NDRG2: variants seen among roughly 807,000 people sequenced by gnomAD.
NDRG2 encodes protein NDRG2.
In NDRG2, 34 loss-of-function variants were observed where a neutral mutation model predicts 58.2. The observed-to-expected ratio is 0.58, with a 90% CI of 0.44 to 0.78. NDRG2 has a LOEUF of 0.78. NDRG2 is among the 30% of genes least tolerant of loss of function. NDRG2 has a pLI of 0.00. For synonymous variants in NDRG2, 187 were observed against 175.9 expected, an observed-to-expected ratio of 1.06 and a Z score of -0.50; for missense variants, 434 against 471.2, an observed-to-expected ratio of 0.92 and a Z score of 0.73.
chr14:21,042,981 C>A, intron 1 of NDRG2: 2 of 1,606,306 alleles, frequency 1.2e-6, no homozygotes, highest in Non-Finnish European at 1.7e-6. Flanking sequence ...CTGACTGCTC[C>A]TCCTAAGAGA....
intron 10 of NDRG2, 60 bp from the exon 11 acceptor site, chr14:21,019,220 A>C: frequency 7.1e-7 from 1 of 1,411,792 alleles, no homozygotes; most frequent in South Asian, 1.2e-5. Context: ...ACCAGATATA[A>C]GCTATCTCTC....
intron 1 of NDRG2, among the ~76,000 whole-genome samples, chr14:21,044,677 C>T (rs1255101031): frequency 1.3e-5 from 2 of 152,164 alleles, no homozygotes; most frequent in Non-Finnish European, 2.9e-5. Flanking sequence ...TTGGTATTGG[C>T]CAGTCCTGAT....
At position 21,024,261 on chromosome 14, in the gene NDRG2, T is replaced by C. The variant is rs1882513314; in HGVS notation, c.-238A>G. Reference sequence around the variant, plus strand: ...CCCTAAGTCCAGAGAACACGTCCTCTCTAGGCTCGAGCCGGAATCAATATA... The same window carrying C: ...CCCTAAGTCCAGAGAACACGTCCTCCCTAGGCTCGAGCCGGAATCAATATA... On this transcript the variant is annotated 5_prime_UTR_variant, in exon 1 of 16. Coordinates refer to ENST00000556147, the MANE Select transcript of NDRG2 (RefSeq NM_001320329.2). 1.0e-6 allele frequency: 1 copy of C among 985,268 alleles called. No homozygotes were observed. The highest frequency in any genetic ancestry group is 4.7e-5 in the South Asian group (1 of 21,276). 61.0% of individuals were successfully genotyped at this position (985,268 alleles called of 1,614,324 possible).
rs756471878 is a variant in NDRG2 at position 21,022,150 on chromosome 14, C to T, written c.256G>A (p.Glu86Lys). ...KSCFQPLFQF[E>K]DMQEIIQNFV... ...TTCTGAATGATTTCCTGCATGTCCT[C>T]GAACTGAAACAGTGGCTGGAAGCAA... The change falls in exon 5 of 16, where the codon GAG (glutamate) becomes AAG (lysine). Residue 86 changes from glutamate (E) to lysine (K), a missense_variant. Coordinates refer to ENST00000556147, the MANE Select transcript of NDRG2 (RefSeq NM_001320329.2). The T allele has an allele frequency of 6.2e-6, 10 of 1,614,074 alleles. No homozygotes were observed. Among genetic ancestry groups the T allele is most frequent in the East Asian group, 2.2e-5 (1 of 44,896 alleles).
Position 21,020,837 on chromosome 14 carries a change from T to C in NDRG2, c.415A>G (p.Thr139Ala), listed in dbSNP as rs375087853. 1.1e-5 allele frequency: 18 copies of C among 1,613,272 alleles called. No individual in the cohort carries two copies. The Admixed American group carries it at 1.8e-4, about 17-fold the overall frequency. ...GCTCCAACACCAACTCCAATTATTGTAGAGAAACTGTGAAAGGGAAAGAAA... is the reference window on the plus strand; with the variant it reads ...GCTCCAACACCAACTCCAATTATTGCAGAGAAACTGTGAAAGGGAAAGAAA... ...PCVLQYLNFS[T>A]IIGVGVGAGA... is the part of the protein sequence containing the mutation. Residue 139 changes from threonine to alanine, a missense_variant, in exon 7 of 16, where the codon ACA (threonine) becomes GCA (alanine). Coordinates refer to ENST00000556147, the MANE Select transcript of NDRG2 (RefSeq NM_001320329.2).
At position 21,018,491 on chromosome 14, in the gene NDRG2, G is replaced by T. The variant is rs1441005230; in HGVS notation, c.827C>A (p.Ser276Ter). 1 of 1,614,056 alleles carries T rather than the reference G, an allele frequency of 6.2e-7. No individual in the cohort carries two copies. The highest frequency in any genetic ancestry group is 8.5e-7 in the Non-Finnish European group (1 of 1,179,964). ...CGAGGTCTGGGTGGGGTCCAGTTTT[G>T]AGTTACATTCCACCTGGAGTAAGCA... is the stretch of plus-strand genomic sequence containing the variant. Reference protein sequence around the residue: ...PHEDAVVECNSKLDPTQTSFL... With the variant: ...PHEDAVVECN The change falls in exon 13 of 16, where the codon TCA (serine) becomes TAA (stop). Residue 276 changes from serine (S) to a stop codon, truncating the protein, a stop_gained. Transcript: ENST00000556147. LOFTEE classifies it high-confidence loss of function.
At chr14:21,057,993 C>T (rs1395550874) in intron 1 of NDRG2, 2 of 1,614,110 alleles carry the variant, frequency 1.2e-6, no homozygotes, top group East Asian at 4.5e-5. Context: ...GACATGACAT[C>T]ATCTCAGTGG....
chr14:21,051,851 G>A (rs781133431), intron 1 of NDRG2, among the ~76,000 whole-genome samples: 4 of 152,170 alleles, frequency 2.6e-5, no homozygotes, highest in Non-Finnish European at 4.4e-5. Context: ...GTTCAAAGAC[G>A]ACCCTCGTGG....
chr14:21,047,945 G>A (rs1224338724), intron 1 of NDRG2, among the ~76,000 whole-genome samples: 7 of 152,130 alleles, frequency 4.6e-5, no homozygotes, highest in Admixed American at 4.6e-4. Context: ...CTCAGCTCCA[G>A]GGATTTCCTC....
intron 1 of NDRG2, among the ~76,000 whole-genome samples, chr14:21,038,576 A>G (rs1023675991): frequency 2.6e-5 from 4 of 152,182 alleles, no homozygotes; most frequent in African/African-American, 9.7e-5. Flanking sequence ...GAGGATTATG[A>G]AAGACATGCT....
At chr14:21,060,463 C>T (rs1008647250) in intron 1 of NDRG2, among the ~76,000 whole-genome samples, 3 of 152,198 alleles carry the variant, frequency 2.0e-5, no homozygotes, top group African/African-American at 7.2e-5. Flanking sequence ...CCACTTCCTG[C>T]GGCTGCGCCT....
At chr14:21,045,606 T>C (rs1194481683) in intron 1 of NDRG2, among the ~76,000 whole-genome samples, 1 of 152,242 alleles carries the variant, frequency 6.6e-6, no homozygotes, top group African/African-American at 2.4e-5. Flanking sequence ...ATCTTCTTTA[T>C]TGATGATCTT....
In NDRG2 at chr14:21,024,930, C is replaced by G. The variant is rs1285503911; in HGVS notation, c.-907G>C. On this transcript the variant is annotated 5_prime_UTR_variant, in exon 1 of 16. Coordinates refer to ENST00000556147, the MANE Select transcript of NDRG2 (RefSeq NM_001320329.2). Reference sequence around the variant, plus strand: ...CCCGCTCCGTGCTGGCCCTTTCCCCCGAGCCTCCAGCTCCAGGGGACGCGG... The same window carrying G: ...CCCGCTCCGTGCTGGCCCTTTCCCCGGAGCCTCCAGCTCCAGGGGACGCGG... 7.1e-6 allele frequency: 7 copies of G among 985,498 alleles called. No individual in the cohort carries two copies. Among genetic ancestry groups the G allele is most frequent in the East Asian group, 1.1e-4 (1 of 8,794 alleles). 61.0% of individuals were successfully genotyped at this position (985,498 alleles called of 1,614,324 possible).
chr14:21,022,981 G>C lies in NDRG2; in HGVS notation c.76-76C>G, dbSNP rs758094128. The C allele has an allele frequency of 6.2e-5, 96 of 1,539,294 alleles. 1 individual carries two copies. Among genetic ancestry groups the C allele is most frequent in the Non-Finnish European group, 8.1e-5 (90 of 1,116,352 alleles). ...CCAGATGGAGAGACAAACAGACAAA[G>C]AGAGGCAAGTAAAGACAGACCAACA... On this transcript the variant is annotated intron_variant, in intron 2 of 15. Coordinates refer to ENST00000556147, the MANE Select transcript of NDRG2 (RefSeq NM_001320329.2).
At chr14:21,064,526 T>C (rs1351659498) in intron 1 of NDRG2, among the ~76,000 whole-genome samples, 1 of 152,166 alleles carries the variant, frequency 6.6e-6, no homozygotes, top group Non-Finnish European at 1.5e-5. Context: ...CGTCTTGAAC[T>C]CCTGACCTCA....
At position 21,018,189 on chromosome 14, in the gene NDRG2, G is replaced by T. The variant is rs148092426; in HGVS notation, c.897+15C>A. 6.2e-7 allele frequency: 1 copy of T among 1,613,678 alleles called. No homozygotes were observed. Among genetic ancestry groups the T allele is most frequent in the South Asian group, 1.1e-5 (1 of 91,082 alleles). ...TATGTCCCTTCCCCATCCCATGGAC[G>T]GCAGCGGCACTCACCTGAGTCAGCT... On this transcript the variant is annotated intron_variant, in intron 14 of 15. Transcript: ENST00000556147.
chr14:21,023,105 TG>T (rs1322572704), intron 2 of NDRG2, 135 bp downstream of exon 2: 6 of 905,598 alleles, frequency 6.6e-6, no homozygotes, highest in South Asian at 4.6e-5. Flanking sequence ...TTATAGTGTA[TG>T]GGGAGAGAGA....
chr14:21,067,526 G>A (rs1327220618), intron 1 of NDRG2, among the ~76,000 whole-genome samples: 2 of 152,228 alleles, frequency 1.3e-5, no homozygotes, highest in African/African-American at 4.8e-5. Context: ...CATTTACTGT[G>A]TAGCTTAGAG....
At chr14:21,022,357 C>T (rs1035810397) in intron 4 of NDRG2, 35 bp downstream of exon 4, 1 of 1,594,414 alleles carries the variant, frequency 6.3e-7, no homozygotes, top group Non-Finnish European at 8.6e-7. Context: ...CAGCCTCTTC[C>T]CAGACAGGAG....
Sources: allele counts gnomAD v4.1 joint callset (sites outside exome capture counted in the v4.1 genomes callset), GRCh38; gene constraint gnomAD v4.1.1; transcripts MANE v1.5; gene names NCBI Gene and HGNC (gene_info 2026-07-23, HGNC 2026-07-21).